Variants in HAS2 observed in about 807,000 individuals in gnomAD.
The protein encoded by HAS2 is HA synthase 2.
A neutral mutation model predicts 51.6 loss-of-function variants in HAS2; 16 were observed. The observed-to-expected ratio is 0.31, with a 90% CI of 0.21 to 0.47. The LOEUF is 0.47. Ranked by LOEUF, HAS2 falls within the 20% of genes least tolerant of loss-of-function variation. The pLI is 1.00. For synonymous variants in HAS2, 228 were observed against 235.5 expected (o/e 0.97, Z 0.29); for missense variants, 361 against 662.6 (o/e 0.54, Z 5.00).
chr8:121,621,422 T>C (rs919458370), intron 2 of HAS2, among the ~76,000 whole-genome samples: 6 of 152,218 alleles, frequency 3.9e-5, no homozygotes, highest in African/African-American at 1.2e-4. Context: ...GCCATCATCA[T>C]GGGACATTTG....
chr8:121,622,567 A>G (rs1234111860), intron 2 of HAS2, among the ~76,000 whole-genome samples: 1 of 152,066 alleles, frequency 6.6e-6, no homozygotes, highest in Non-Finnish European at 1.5e-5. Context: ...AATGGAACTC[A>G]TATATACTAA....
intron 2 of HAS2, among the ~76,000 whole-genome samples, chr8:121,618,236 T>C (rs1812732304): frequency 6.6e-6 from 1 of 152,070 alleles, no homozygotes; most frequent in Admixed American, 6.5e-5. Context: ...ACAAAGCTGA[T>C]ATGGAGAATA....
At chr8:121,625,247 G>A (rs972130538) in intron 2 of HAS2, among the ~76,000 whole-genome samples, 41 of 152,034 alleles carry the variant, frequency 2.7e-4, no homozygotes, top group African/African-American at 9.6e-4. Context: ...GTGTCAATCA[G>A]TTGGGTATTT....
intron 1 of HAS2, among the ~76,000 whole-genome samples, chr8:121,632,174 G>A (rs1013777700): frequency 1.3e-5 from 2 of 152,172 alleles, no homozygotes; most frequent in Non-Finnish European, 2.9e-5. Context: ...AAAGGCAAAA[G>A]GCACATTTTA....
intron 2 of HAS2, among the ~76,000 whole-genome samples, chr8:121,618,616 A>G (rs1253247438): frequency 6.6e-6 from 1 of 152,230 alleles, no homozygotes; most frequent in Admixed American, 6.5e-5. Context: ...CTATCCCTCC[A>G]ACATTTACTA....
At chr8:121,633,911 G>T (rs867022363) in intron 1 of HAS2, among the ~76,000 whole-genome samples, 4 of 140,934 alleles carry the variant, frequency 2.8e-5, no homozygotes, top group Non-Finnish European at 4.5e-5. Context: ...TGTTTTTTTG[G>T]GTTTTTTTTT....
intron 1 of HAS2, among the ~76,000 whole-genome samples, chr8:121,640,444 T>TGTGTGTGTGTGG (rs1491405607): frequency 7.0e-6 from 1 of 143,266 alleles, no homozygotes; most frequent in Admixed American, 7.0e-5. Context: ...TGTGTGTGTG[T>TGTGTGTGTGTGG]GGGAAAAAAA....
Position 121,628,875 on chromosome 8 carries a change from C to G in HAS2, c.466G>C (p.Gly156Arg). ...TGTGACTCATCTGTCTCACCGGGAC[C>G]CTTTTCGTGGAAGTTGTTCTTCCAG... is the stretch of plus-strand genomic sequence containing the variant. ...YIWKNNFHEK[G>R]PGETDESHKE... is the part of the protein sequence containing the mutation. The change falls in exon 2 of 4, where the codon GGT becomes CGT. Residue 156 changes from glycine (G) to arginine (R), a missense_variant. This residue lies in a region of HAS2 where 145 missense variants were observed against 217.6 expected (regional missense o/e 0.67). Transcript: ENST00000303924. The G allele has an allele frequency of 1.2e-6, 2 of 1,614,066 alleles. No individual in the cohort carries two copies. Among genetic ancestry groups the G allele is most frequent in the Non-Finnish European group, 1.7e-6 (2 of 1,179,972 alleles).
intron 1 of HAS2, among the ~76,000 whole-genome samples, chr8:121,637,390 C>CTCT (rs563877611): frequency 3.1e-5 from 4 of 130,774 alleles, no homozygotes; most frequent in Non-Finnish European, 6.3e-5. Flanking sequence ...TCAAAATAGA[C>CTCT]TTTTTTTTTT....
intron 1 of HAS2, among the ~76,000 whole-genome samples, chr8:121,637,484 G>C (rs936526094): frequency 2.7e-5 from 4 of 146,054 alleles, no homozygotes; most frequent in African/African-American, 1.0e-4. Flanking sequence ...TCCACCTCCC[G>C]AGTTCAAGAA....
intron 1 of HAS2, among the ~76,000 whole-genome samples, chr8:121,634,577 C>A (rs796322013): frequency 2.0e-5 from 3 of 151,946 alleles, no homozygotes; most frequent in African/African-American, 7.2e-5. Context: ...AAAACCAGGG[C>A]TTGGCACATA....
At chr8:121,627,429 A>C (rs1242175638) in intron 2 of HAS2, among the ~76,000 whole-genome samples, 3 of 152,186 alleles carry the variant, frequency 2.0e-5, no homozygotes, top group Non-Finnish European at 4.4e-5. Context: ...ATAATGAAGA[A>C]ATGTCTCTAA....
chr8:121,637,855 A>G (rs2130454880), intron 1 of HAS2, among the ~76,000 whole-genome samples: 1 of 152,278 alleles, frequency 6.6e-6, no homozygotes, highest in African/African-American at 2.4e-5. Flanking sequence ...TGACAGAAAC[A>G]CGGCATGGGT....
chr8:121,640,420 AGTGTGT>A (rs10578731), intron 1 of HAS2, among the ~76,000 whole-genome samples: 22 of 148,414 alleles, frequency 1.5e-4, no homozygotes, highest in Admixed American at 3.4e-4. Context: ...TTCTCCCCAC[AGTGTGT>A]GTGTGTGTGT....
chr8:121,615,015 C>A lies in HAS2; in HGVS notation c.753G>T (p.Trp251Cys). ...DVQILNKYDS[W>C]ISFLSSVRYW... Reference sequence around the variant, plus strand: ...ATCTTACACTGCTGAGGAATGAGATCCAGGAATCGTACTTGTTTAAAATCT... The same window carrying A: ...ATCTTACACTGCTGAGGAATGAGATACAGGAATCGTACTTGTTTAAAATCT... The change falls in exon 4 of 4, where the codon TGG (tryptophan) becomes TGT (cysteine). Residue 251 changes from tryptophan (W) to cysteine (C), a missense_variant. Physicochemically the swap from Trp to Cys is radical, Grantham distance 215 (BLOSUM62 -2). This residue lies in a region of HAS2 where 49 missense variants were observed against 108.3 expected (regional missense o/e 0.45). Coordinates refer to ENST00000303924, the MANE Select transcript of HAS2 (RefSeq NM_005328.3). 6.2e-7 allele frequency: 1 copy of A among 1,604,442 alleles called. No individual in the cohort carries two copies. Among genetic ancestry groups the A allele is most frequent in the Non-Finnish European group, 8.5e-7 (1 of 1,175,424 alleles).
Position 121,620,203 on chromosome 8 carries a change from G to A in HAS2, c.628-2997C>T, listed in dbSNP as rs1251826372. Among the ~76,000 whole-genome samples, 6 of 152,270 alleles carry A rather than the reference G, an allele frequency of 3.9e-5. No homozygotes were observed. The East Asian group carries it at 1.2e-3, about 29-fold the overall frequency. ...GATAGAATGCCAGCTAGAAAGCCAT[G>A]GTCTTTGACAGTTTGTGAAAGCATG... On this transcript the variant is annotated intron_variant, in intron 2 of 3. Transcript: ENST00000303924.
chr8:121,635,922 G>A (rs958194039), intron 1 of HAS2, among the ~76,000 whole-genome samples: 5 of 152,220 alleles, frequency 3.3e-5, no homozygotes. Context: ...ACACTAGCAA[G>A]GATAACAGAA....
At chr8:121,626,833 A>G (rs1447466830) in intron 2 of HAS2, among the ~76,000 whole-genome samples, 1 of 152,180 alleles carries the variant, frequency 6.6e-6, no homozygotes, top group Non-Finnish European at 1.5e-5. Context: ...GAACTGGCTG[A>G]GAGTCCCAGG....
chr8:121,626,747 G>T (rs1248693522), intron 2 of HAS2, among the ~76,000 whole-genome samples: 2 of 152,148 alleles, frequency 1.3e-5, no homozygotes, highest in African/African-American at 4.8e-5. Flanking sequence ...AATATCAGGG[G>T]ATTTACTGAG....
Sources: gnomAD v4.1 joint callset for allele counts (sites outside exome capture counted in the v4.1 genomes callset) on GRCh38, gnomAD v4.1.1 for gene constraint, gnomAD v4.1.1 regional missense constraint, MANE v1.5 for transcripts, NCBI Gene and HGNC (gene_info 2026-07-23, HGNC 2026-07-21) for gene names.